Variants in PCSK2 observed in about 807,000 individuals in gnomAD.
PCSK2 encodes neuroendocrine convertase 2.
In PCSK2, 14 loss-of-function variants were observed where a neutral mutation model predicts 69.7. That is an observed-to-expected ratio of 0.20 (90% CI 0.13 to 0.31). PCSK2 has a LOEUF of 0.31. PCSK2 is among the 10% of genes least tolerant of loss of function. The pLI, the probability that PCSK2 is intolerant of heterozygous loss-of-function variation, is 1.00. For missense variants in PCSK2, 544 were observed against 842.5 expected, an observed-to-expected ratio of 0.65 and a Z score of 4.39; for synonymous variants, 307 against 320.7, an observed-to-expected ratio of 0.96 and a Z score of 0.46.
intron 11 of PCSK2, among the ~76,000 whole-genome samples, chr20:17,466,795 C>T (rs531145125): frequency 6.6e-6 from 1 of 152,148 alleles, no homozygotes; most frequent in Non-Finnish European, 1.5e-5. Context: ...CAGGAAGATT[C>T]GTCATACCTG....
chr20:17,454,051 C>T, intron 9 of PCSK2, 94 bp downstream of exon 9: 1 of 1,535,674 alleles, frequency 6.5e-7, no homozygotes, highest in Non-Finnish European at 8.8e-7. Flanking sequence ...CCCCTCCTGT[C>T]CCCTCCCTCA....
At position 17,227,252 on chromosome 20, in the gene PCSK2, C is replaced by A; in HGVS notation, c.-54C>A. 7.3e-7 allele frequency: 1 copy of A among 1,371,678 alleles called. No individual in the cohort carries two copies. 85.0% of individuals were successfully genotyped at this position (1,371,678 alleles called of 1,614,324 possible). A position where few individuals can be genotyped will look rare whatever the true frequency, so the allele number is the denominator to read the frequency against. ...TTATTTGCACCCTCCCTCCGAGTCC[C>A]CTGCTCCGCCAGCCTGCGCGCCTCC... is the stretch of plus-strand genomic sequence containing the variant. On this transcript the variant is annotated 5_prime_UTR_variant, in exon 1 of 12. Coordinates refer to ENST00000262545, the MANE Select transcript of PCSK2 (RefSeq NM_002594.5).
intron 2 of PCSK2, among the ~76,000 whole-genome samples, chr20:17,312,632 G>A (rs555612706): frequency 4.6e-5 from 7 of 151,992 alleles, no homozygotes; most frequent in Non-Finnish European, 8.8e-5. Flanking sequence ...TCTGCACACA[G>A]TAGGAAATTT....
intron 6 of PCSK2, among the ~76,000 whole-genome samples, chr20:17,418,886 G>A (rs1349316441): frequency 1.3e-5 from 2 of 152,202 alleles, no homozygotes; most frequent in African/African-American, 4.8e-5. Flanking sequence ...CGATAGGCTT[G>A]TTGCTATTAA....
chr20:17,347,796 GAA>G (rs1568611921), intron 2 of PCSK2, among the ~76,000 whole-genome samples: 5 of 43,702 alleles, frequency 1.1e-4, no homozygotes, highest in African/African-American at 2.6e-4. Context: ...ACGAAAGAAA[GAA>G]AGAAAGAAAG....
At chr20:17,238,210 A>T (rs1428550066) in intron 1 of PCSK2, among the ~76,000 whole-genome samples, 1 of 152,212 alleles carries the variant, frequency 6.6e-6, no homozygotes, top group Non-Finnish European at 1.5e-5. Context: ...TATAGTGGTT[A>T]AAATAGAAAA....
At position 17,286,882 on chromosome 20, in the gene PCSK2, G is replaced by T. The variant is rs192642987; in HGVS notation, c.282+26538G>T. Among the ~76,000 whole-genome samples, 66 of 152,276 alleles carry T rather than the reference G, an allele frequency of 4.3e-4. 1 individual carries two copies. The highest frequency in any genetic ancestry group is 4.1e-3 in the Admixed American group (63 of 15,306). The stretch of plus-strand genomic sequence containing the variant: ...GAAGCAATAGGGTGTATACATACAG[G>T]TTGTATATGTAAAGAGAGATATTTA... On this transcript the variant is annotated intron_variant, in intron 2 of 11. Coordinates refer to ENST00000262545, the MANE Select transcript of PCSK2 (RefSeq NM_002594.5).
intron 5 of PCSK2, among the ~76,000 whole-genome samples, chr20:17,402,938 C>T (rs1258021412): frequency 6.6e-6 from 1 of 151,126 alleles, no homozygotes; most frequent in Non-Finnish European, 1.5e-5. Context: ...GCCTGGGCGA[C>T]AGAGCGAGAC....
intron 2 of PCSK2, among the ~76,000 whole-genome samples, chr20:17,298,830 C>T (rs1988983636): frequency 6.6e-6 from 1 of 152,088 alleles, no homozygotes; most frequent in African/African-American, 2.4e-5. Context: ...CAGTCATTCC[C>T]CAGCCTCTGA....
chr20:17,321,139 A>T (rs1257591625), intron 2 of PCSK2, among the ~76,000 whole-genome samples: 1 of 152,212 alleles, frequency 6.6e-6, no homozygotes, highest in Non-Finnish European at 1.5e-5. Flanking sequence ...ACTCAACAGG[A>T]AAGCAAAGAT....
chr20:17,341,684 TG>T (rs1215920851), intron 2 of PCSK2, among the ~76,000 whole-genome samples: 1 of 152,164 alleles, frequency 6.6e-6, no homozygotes, highest in African/African-American at 2.4e-5. Context: ...AGTACTTCAG[TG>T]AGAAACTCAA....
At chr20:17,259,118 T>A (rs561923885) in intron 1 of PCSK2, among the ~76,000 whole-genome samples, 7 of 152,238 alleles carry the variant, frequency 4.6e-5, no homozygotes, top group Middle Eastern at 3.4e-3. Flanking sequence ...TTCTATCAAA[T>A]CAACCACATC....
intron 2 of PCSK2, among the ~76,000 whole-genome samples, chr20:17,313,197 T>C (rs1439371906): frequency 6.6e-6 from 1 of 152,194 alleles, no homozygotes; most frequent in Non-Finnish European, 1.5e-5. Flanking sequence ...TACACTCTTA[T>C]TTTCATTCTT....
chr20:17,356,469 G>A (rs962605419), intron 2 of PCSK2, among the ~76,000 whole-genome samples: 1 of 152,158 alleles, frequency 6.6e-6, no homozygotes, highest in Non-Finnish European at 1.5e-5. Flanking sequence ...GTAAAGAAGT[G>A]AGGATCTAGC....
intron 1 of PCSK2, among the ~76,000 whole-genome samples, chr20:17,250,774 A>G (rs932982377): frequency 9.2e-5 from 14 of 152,250 alleles, no homozygotes; most frequent in African/African-American, 3.4e-4. Flanking sequence ...CTGGCACTTA[A>G]CAACTCCAAA....
intron 1 of PCSK2, among the ~76,000 whole-genome samples, chr20:17,253,837 G>A (rs970078494): frequency 6.6e-6 from 1 of 152,172 alleles, no homozygotes; most frequent in Non-Finnish European, 1.5e-5. Flanking sequence ...CAGTGTATGA[G>A]GGTTCAAATT....
intron 1 of PCSK2, among the ~76,000 whole-genome samples, chr20:17,251,848 T>C (rs1402212092): frequency 6.6e-6 from 1 of 152,186 alleles, no homozygotes; most frequent in Non-Finnish European, 1.5e-5. Context: ...AGCTAGAGGA[T>C]GACTGGTATG....
chr20:17,338,484 C>T (rs1281277077), intron 2 of PCSK2, among the ~76,000 whole-genome samples: 1 of 151,828 alleles, frequency 6.6e-6, no homozygotes, highest in Non-Finnish European at 1.5e-5. Context: ...TGTGAGCCAC[C>T]GTGCCCAGCT....
At chr20:17,267,755 T>C (rs557781982) in intron 2 of PCSK2, among the ~76,000 whole-genome samples, 1 of 152,296 alleles carries the variant, frequency 6.6e-6, no homozygotes, top group African/African-American at 2.4e-5. Context: ...GGCATCATGC[T>C]AGCAAAGCCA....
Sources: gnomAD v4.1 joint callset for allele counts (sites outside exome capture counted in the v4.1 genomes callset) on GRCh38, gnomAD v4.1.1 for gene constraint, MANE v1.5 for transcripts, NCBI Gene and HGNC (gene_info 2026-07-23, HGNC 2026-07-21) for gene names.